Variants in YJU2B observed in about 807,000 individuals in gnomAD.
The protein encoded by YJU2B is probable splicing factor YJU2B.
YJU2B carries 18 observed loss-of-function variants against 38.0 expected under a neutral mutation model. The observed-to-expected ratio is 0.47, with a 90% CI of 0.33 to 0.70. The LOEUF (loss-of-function observed/expected upper bound fraction) is 0.70, where lower values mean the gene tolerates loss of function less well. Ranked by LOEUF, YJU2B falls within the 30% of genes least tolerant of loss-of-function variation. The pLI is 0.02. For missense variants in YJU2B, 538 were observed against 556.3 expected, an observed-to-expected ratio of 0.97 and a Z score of 0.33; for synonymous variants, 246 against 225.4, an observed-to-expected ratio of 1.09 and a Z score of -0.82.
At chr19:13,756,140 A>T in intron 3 of YJU2B, 57 bp from the exon 4 acceptor site, 2 of 1,422,624 alleles carry the variant, frequency 1.4e-6, no homozygotes, top group Non-Finnish European at 9.9e-7. Flanking sequence ...GGTGGCAGAA[A>T]ATTGTGAGCT....
chr19:13,742,974 G>A (rs769586495), upstream of YJU2B, among the ~76,000 whole-genome samples: 1 of 152,148 alleles, frequency 6.6e-6, no homozygotes, highest in Non-Finnish European at 1.5e-5. Context: ...CCTCCTTACA[G>A]GAGTTCTTAC....
At chr19:13,748,956 A>G (rs1347966862) in intron 1 of YJU2B, among the ~76,000 whole-genome samples, 1 of 151,890 alleles carries the variant, frequency 6.6e-6, no homozygotes, top group Non-Finnish European at 1.5e-5. Context: ...CTGCCTCACC[A>G]CCTCACTACA....
At chr19:13,761,874 C>G (rs943779456) in intron 8 of YJU2B, among the ~76,000 whole-genome samples, 8 of 152,062 alleles carry the variant, frequency 5.3e-5, no homozygotes, top group Admixed American at 6.6e-5. Flanking sequence ...TAGGCGCATG[C>G]CACCATGCCT....
At chr19:13,748,561 A>G (rs1231635889) in intron 1 of YJU2B, among the ~76,000 whole-genome samples, 1 of 152,116 alleles carries the variant, frequency 6.6e-6, no homozygotes, top group East Asian at 1.9e-4. Context: ...TAACAAAACC[A>G]TCTTAAGACA....
intron 8 of YJU2B, 22 bp from the exon 9 acceptor site, chr19:13,762,277 G>C: frequency 6.2e-7 from 1 of 1,611,538 alleles, no homozygotes. Flanking sequence ...CCTATCTCTG[G>C]TGTTCTTGGC....
At chr19:13,743,147 G>GTTTTTTTTTTTTTTTTTTT (rs1568279357), upstream of YJU2B, among the ~76,000 whole-genome samples, 14 of 152,050 alleles carry the variant, frequency 9.2e-5, no homozygotes, top group African/African-American at 3.4e-4. Flanking sequence ...TGCAGGTGGG[G>GTTTTTTTTTTTTTTTTTTT]GTTTTTTAAG....
At chr19:13,755,245 C>G (rs366449) in intron 3 of YJU2B, among the ~76,000 whole-genome samples, 63,344 of 151,050 alleles carry the variant, frequency 0.42, 14,550 homozygotes, top group African/African-American at 0.62. Flanking sequence ...GGTGGATCAC[C>G]AGGTCGAGAG....
upstream of YJU2B, chr19:13,747,800 C>T (rs1356146447): frequency 2.6e-5 from 4 of 152,358 alleles, no homozygotes; most frequent in African/African-American, 9.6e-5. Context: ...TCGCAGAACG[C>T]TTGGCGTATC....
intron 2 of YJU2B, among the ~76,000 whole-genome samples, chr19:13,738,916 T>C (rs1236655015): frequency 7.3e-6 from 1 of 137,248 alleles, no homozygotes; most frequent in Non-Finnish European, 1.5e-5. Context: ...AAAAAAAAAT[T>C]AGCTGTGCAT....
chr19:13,731,790 A>C (rs756921917), exon 1 of YJU2B: 8 of 152,390 alleles, frequency 5.2e-5, no homozygotes, highest in Non-Finnish European at 1.0e-4. Flanking sequence ...CAACCAGCGA[A>C]GGCTGAACCC....
chr19:13,759,874 C>T (rs1466112237), intron 8 of YJU2B, among the ~76,000 whole-genome samples: 2 of 151,082 alleles, frequency 1.3e-5, no homozygotes, highest in Admixed American at 6.6e-5. Flanking sequence ...CTTGGGTCAC[C>T]GCAACTTCTG....
upstream of YJU2B, among the ~76,000 whole-genome samples, chr19:13,747,497 T>G (rs1410936254): frequency 6.6e-6 from 1 of 152,108 alleles, no homozygotes; most frequent in East Asian, 1.9e-4. Context: ...TGAGACGGAG[T>G]CTTGCTGTTG....
At chr19:13,762,254 G>T (rs1233751853) in intron 8 of YJU2B, 45 bp from the exon 9 acceptor site, 1 of 1,602,822 alleles carries the variant, frequency 6.2e-7, no homozygotes, top group Non-Finnish European at 8.5e-7. Flanking sequence ...GAAGAGACAG[G>T]GCTTTGACAC....
intron 2 of YJU2B, among the ~76,000 whole-genome samples, chr19:13,735,542 T>C (rs942413371): frequency 6.6e-6 from 1 of 151,856 alleles, no homozygotes; most frequent in Non-Finnish European, 1.5e-5. Flanking sequence ...TTTTTTTTTT[T>C]TCTCCAGCCC....
Position 13,761,726 on chromosome 19 carries a change from A to ATT in YJU2B, c.574-559_574-558dup, listed in dbSNP as rs71170558. ...TGAGACCCCATCTCTACAAAAAAAA[A>ATT]TTTTTTTTTTTTTTTGAAACAGTCT... On this transcript the variant is annotated intron_variant, in intron 8 of 9. Coordinates refer to ENST00000221554, the MANE Select transcript of YJU2B (RefSeq NM_030818.4). 7.6e-3 allele frequency among the ~76,000 whole-genome samples: 1,063 copies of ATT among 139,158 alleles called. 14 individuals are homozygous for ATT. Among genetic ancestry groups the ATT allele is most frequent in the African/African-American group, 0.027 (1,005 of 37,854 alleles). The allele number at this position is 139,158 out of a possible 152,430, so 91.3% of individuals were successfully genotyped here.
At chr19:13,741,641 G>C (rs1173426661) in intron 2 of YJU2B, among the ~76,000 whole-genome samples, 2 of 151,964 alleles carry the variant, frequency 1.3e-5, no homozygotes, top group Non-Finnish European at 2.9e-5. Flanking sequence ...AAAAGCTGAG[G>C]TGTGAGGACG....
chr19:13,745,692 T>TTAG (rs1973216810), upstream of YJU2B, among the ~76,000 whole-genome samples: 1 of 93,306 alleles, frequency 1.1e-5, no homozygotes, highest in Non-Finnish European at 2.3e-5. Flanking sequence ...GATAGATAGA[T>TTAG]ATAGATATAT....
intron 1 of YJU2B, among the ~76,000 whole-genome samples, chr19:13,751,320 C>T (rs936341016): frequency 1.3e-5 from 2 of 152,084 alleles, no homozygotes; most frequent in Admixed American, 6.6e-5. Flanking sequence ...GAGACTGAGG[C>T]AGGAGAATCA....
intron 2 of YJU2B, among the ~76,000 whole-genome samples, chr19:13,739,386 A>C (rs1020149442): frequency 6.6e-6 from 1 of 152,156 alleles, no homozygotes; most frequent in African/African-American, 2.4e-5. Flanking sequence ...TTACTAGTGC[A>C]TTCTTTAATA....
Sources: allele counts gnomAD v4.1 joint callset (sites outside exome capture counted in the v4.1 genomes callset), GRCh38; gene constraint gnomAD v4.1.1; transcripts MANE v1.5; gene names NCBI Gene and HGNC (gene_info 2026-07-23, HGNC 2026-07-21).